Variants in SOWAHC observed in about 807,000 individuals in gnomAD.
SOWAHC encodes the protein ankyrin repeat domain-containing protein SOWAHC.
In SOWAHC, 12 loss-of-function variants were observed where a neutral mutation model predicts 14.4. That is an observed-to-expected ratio of 0.83 (90% CI 0.53 to 1.35). The LOEUF is 1.35. SOWAHC is among the 40% of genes most tolerant of loss of function. The pLI is 0.00. For missense variants in SOWAHC, 771 were observed against 752.8 expected (o/e 1.02, Z -0.28); for synonymous variants, 398 against 347.0 (o/e 1.15, Z -1.63).
Position 109,617,747 on chromosome 2 carries a change from G to A in SOWAHC, c.*1680G>A. 1 of 166,618 alleles carries A rather than the reference G, an allele frequency of 6.0e-6. No homozygotes were observed. The allele number at this position is 166,618 out of a possible 1,614,324, so 10.3% of individuals were successfully genotyped here. A position where few individuals can be genotyped will look rare whatever the true frequency, so the allele number is the denominator to read the frequency against. On this transcript the variant is annotated 3_prime_UTR_variant, in exon 1 of 1. Transcript: ENST00000356454. ...TAAAGATGGATGAAAGGCCAGGCAT[G>A]GTGGCTCATGCCTGTAATCCCAGCA... is the stretch of plus-strand genomic sequence containing the variant.
chr2:109,615,518 C>T lies in SOWAHC; in HGVS notation c.1029C>T (p.Thr343=), dbSNP rs1700102655. Residue 343 remains threonine, a synonymous_variant, in exon 1 of 1, where the codon ACC becomes ACT. Transcript: ENST00000356454. The part of the protein sequence containing the change: ...NIDARTSGGY[T]ALHLAAMHGH... ...ACGCCAGGACGAGCGGGGGTTACAC[C>T]GCCCTGCACTTGGCAGCCATGCACG... is the stretch of plus-strand genomic sequence containing the variant. 1.2e-6 allele frequency: 2 copies of T among 1,613,890 alleles called. No individual in the cohort carries two copies. The highest frequency in any genetic ancestry group is 1.6e-4 in the Middle Eastern group (1 of 6,062).
rs896758930 is a variant in SOWAHC, at chr2:109,614,641, G to T, written c.152G>T (p.Arg51Leu). ...GGCGGCGAACCGGAGCAGCGCGCCC[G>T]CGCCCGCGCGCACTTCAAGGAGCTG... is the stretch of plus-strand genomic sequence containing the variant. Reference protein sequence around the residue: ...ALGGEPEQRARARAHFKELVN... With the variant: ...ALGGEPEQRALARAHFKELVN... Residue 51 changes from arginine (R) to leucine (L), a missense_variant, in exon 1 of 1, where the codon CGC (arginine) becomes CTC (leucine). Physicochemically the swap from Arg to Leu is moderately radical, Grantham distance 102 (BLOSUM62 -2). Transcript: ENST00000356454. 2 of 1,467,322 alleles carry T rather than the reference G, an allele frequency of 1.4e-6. No homozygotes were observed. Among genetic ancestry groups the T allele is most frequent in the African/African-American group, 1.5e-5 (1 of 68,000 alleles). The allele number at this position is 1,467,322 out of a possible 1,614,324, so 90.9% of individuals were successfully genotyped here. A position where few individuals can be genotyped will look rare whatever the true frequency, so the allele number is the denominator to read the frequency against.
In SOWAHC at chr2:109,616,567, C is replaced by T. The variant is rs1276964608; in HGVS notation, c.*500C>T. On this transcript the variant is annotated 3_prime_UTR_variant, in exon 1 of 1. Transcript: ENST00000356454. ...CTAATTGCATTTGCATTTTAAGGTACTACTGAAGGTCAGATCAAAGTTGAA... is the reference window on the plus strand; with the variant it reads ...CTAATTGCATTTGCATTTTAAGGTATTACTGAAGGTCAGATCAAAGTTGAA... The T allele has an allele frequency of 6.0e-6, 1 of 167,054 alleles. No homozygotes were observed. Among genetic ancestry groups the T allele is most frequent in the Non-Finnish European group, 1.5e-5 (1 of 68,134 alleles). 10.3% of individuals were successfully genotyped at this position (167,054 alleles called of 1,614,324 possible). A position where few individuals can be genotyped will look rare whatever the true frequency, so the allele number is the denominator to read the frequency against.
chr2:109,614,602 T>A lies in SOWAHC; in HGVS notation c.113T>A (p.Phe38Tyr), dbSNP rs553603778. 6.9e-7 allele frequency: 1 copy of A among 1,454,064 alleles called. No homozygotes were observed. The highest frequency in any genetic ancestry group is 3.1e-5 in the East Asian group (1 of 32,752). The allele number at this position is 1,454,064 out of a possible 1,614,324, so 90.1% of individuals were successfully genotyped here. Reference sequence around the variant, plus strand: ...CTGCACGCCGAGCTGGTGCAGCACTTCAGGGGCGCCCTAGGCGGCGAACCG... The same window carrying A: ...CTGCACGCCGAGCTGGTGCAGCACTACAGGGGCGCCCTAGGCGGCGAACCG... ...RALHAELVQH[F>Y]RGALGGEPEQ... The change falls in exon 1 of 1, where the codon TTC (phenylalanine) becomes TAC (tyrosine). Residue 38 changes from phenylalanine to tyrosine, a missense_variant. By Grantham distance (22) the Phe-to-Tyr change is conservative. Coordinates refer to ENST00000356454, the MANE Select transcript of SOWAHC (RefSeq NM_023016.4).
In SOWAHC at chr2:109,614,904, C is replaced by A; in HGVS notation, c.415C>A (p.Pro139Thr). 6.9e-7 allele frequency: 1 copy of A among 1,445,720 alleles called. No individual in the cohort carries two copies. Among genetic ancestry groups the A allele is most frequent in the South Asian group, 1.5e-5 (1 of 68,800 alleles). 89.6% of individuals were successfully genotyped at this position (1,445,720 alleles called of 1,614,324 possible). A position where few individuals can be genotyped will look rare whatever the true frequency, so the allele number is the denominator to read the frequency against. The change falls in exon 1 of 1, where the codon CCC (proline) becomes ACC (threonine). Residue 139 changes from proline to threonine, a missense_variant. Transcript: ENST00000356454. ...GGGCCGCGAGCTGGGCGAGGGAGAG[C>A]CCCCCGCCCCCGCGCACTGGCCGCC... The part of the protein sequence containing the change: ...GQGRELGEGE[P>T]PAPAHWPPLS...
rs754380805 is a variant in SOWAHC, at chr2:109,614,916, G to A, written c.427G>A (p.Ala143Thr). ...GGGCGAGGGAGAGCCCCCCGCCCCC[G>A]CGCACTGGCCGCCCCTGAGCGCCGG... ...ELGEGEPPAP[A>T]HWPPLSAGAR... The change falls in exon 1 of 1, where the codon GCG becomes ACG. Residue 143 changes from alanine (A) to threonine (T), a missense_variant. Physicochemically the swap from Ala to Thr is moderately conservative, Grantham distance 58. Transcript: ENST00000356454. 1 of 1,469,302 alleles carries A rather than the reference G, an allele frequency of 6.8e-7. No homozygotes were observed. The highest frequency in any genetic ancestry group is 2.6e-5 in the East Asian group (1 of 37,944). 91.0% of individuals were successfully genotyped at this position (1,469,302 alleles called of 1,614,324 possible). A position where few individuals can be genotyped will look rare whatever the true frequency, so the allele number is the denominator to read the frequency against.
rs61290403 is a variant in SOWAHC at position 109,618,015 on chromosome 2, CAAAA to C, written c.*1963_*1966del. The C allele has an allele frequency of 1.4e-4, 17 of 117,578 alleles. No homozygotes were observed. The highest frequency in any genetic ancestry group is 1.8e-4 in the Non-Finnish European group (9 of 50,838). The allele number at this position is 117,578 out of a possible 1,614,324, so 7.3% of individuals were successfully genotyped here. A position where few individuals can be genotyped will look rare whatever the true frequency, so the allele number is the denominator to read the frequency against. The stretch of plus-strand genomic sequence containing the variant: ...AGCCTGGGCAACGGAGACTCTGTCT[CAAAA>C]AAAAAAAAAAAAAAGATGAATGAAA... On this transcript the variant is annotated 3_prime_UTR_variant, in exon 1 of 1. Transcript: ENST00000356454.
At position 109,615,733 on chromosome 2, in the gene SOWAHC, T is replaced by A; in HGVS notation, c.1244T>A (p.Leu415His). The A allele has an allele frequency of 1.2e-6, 2 of 1,613,862 alleles. No individual in the cohort carries two copies. The highest frequency in any genetic ancestry group is 8.5e-7 in the Non-Finnish European group (1 of 1,179,938). Residue 415 changes from leucine (L) to histidine (H), a missense_variant, in exon 1 of 1, where the codon CTT becomes CAT. Transcript: ENST00000356454. ...GGTAGCGGCGGCGGGCGCTGGAGGC[T>A]TTCAAAGGTGCTTCCCTCGCATCTC... Reference protein sequence around the residue: ...AAGSGGGRWRLSKVLPSHLIT... With the variant: ...AAGSGGGRWRHSKVLPSHLIT...
In SOWAHC at chr2:109,617,873, G is replaced by A. The variant is rs1323409228; in HGVS notation, c.*1806G>A. ...GTCTCTACTAAAAATACAAAAATTA[G>A]CCGAGCGTGGTGGTGCGTGCCTGTA... On this transcript the variant is annotated 3_prime_UTR_variant, in exon 1 of 1. Transcript: ENST00000356454. 6.3e-6 allele frequency: 1 copy of A among 159,644 alleles called. No individual in the cohort carries two copies. Among genetic ancestry groups the A allele is most frequent in the African/African-American group, 2.4e-5 (1 of 41,408 alleles). The allele number at this position is 159,644 out of a possible 1,614,324, so 9.9% of individuals were successfully genotyped here.
Position 109,615,821 on chromosome 2 carries a change from G to A in SOWAHC, c.1332G>A (p.Ser444=). 1 of 1,614,140 alleles carries A rather than the reference G, an allele frequency of 6.2e-7. No individual in the cohort carries two copies. Among genetic ancestry groups the A allele is most frequent in the Non-Finnish European group, 8.5e-7 (1 of 1,180,028 alleles). The change falls in exon 1 of 1, where the codon TCG becomes TCA. Residue 444 remains serine, a synonymous_variant. Transcript: ENST00000356454. The part of the protein sequence containing the change: ...DGGDHHHHHH[S]AEGWVGGKAK... ...GGGACCATCACCACCATCACCACTC[G>A]GCTGAGGGGTGGGTCGGAGGCAAAG...
rs1700181147 is a variant in SOWAHC at position 109,618,811 on chromosome 2, C to T, written c.*2744C>T. 6.0e-6 allele frequency: 1 copy of T among 167,000 alleles called. No individual in the cohort carries two copies. Among genetic ancestry groups the T allele is most frequent in the Non-Finnish European group, 1.5e-5 (1 of 68,084 alleles). The allele number at this position is 167,000 out of a possible 1,614,324, so 10.3% of individuals were successfully genotyped here. A position where few individuals can be genotyped will look rare whatever the true frequency, so the allele number is the denominator to read the frequency against. On this transcript the variant is annotated 3_prime_UTR_variant, in exon 1 of 1. Transcript: ENST00000356454. The stretch of plus-strand genomic sequence containing the variant: ...ACTAGTGAGTGTTTGTCACATTTCA[C>T]TTTCATGGTATATAAAATGCAGTTT...
rs770074183 is a variant in SOWAHC at position 109,618,839 on chromosome 2, A to G, written c.*2772A>G. The G allele has an allele frequency of 3.0e-5, 5 of 167,060 alleles. No individual in the cohort carries two copies. The East Asian group carries it at 5.8e-4, about 19-fold the overall frequency. 10.3% of individuals were successfully genotyped at this position (167,060 alleles called of 1,614,324 possible). The stretch of plus-strand genomic sequence containing the variant: ...TCATGGTATATAAAATGCAGTTTGC[A>G]TATATAACTTGAATATCTGGTACTA... On this transcript the variant is annotated 3_prime_UTR_variant, in exon 1 of 1. Transcript: ENST00000356454.
chr2:109,614,867 G>A lies in SOWAHC; in HGVS notation c.378G>A (p.Ser126=). 7.1e-7 allele frequency: 1 copy of A among 1,401,388 alleles called. No homozygotes were observed. The highest frequency in any genetic ancestry group is 9.2e-7 in the Non-Finnish European group (1 of 1,089,328). The allele number at this position is 1,401,388 out of a possible 1,614,324, so 86.8% of individuals were successfully genotyped here. A position where few individuals can be genotyped will look rare whatever the true frequency, so the allele number is the denominator to read the frequency against. Reference sequence around the variant, plus strand: ...TCCCCGACGCGGCGGCCCCGGAGTCGCTCCCTGGACAGGGCCGCGAGCTGG... The same window carrying A: ...TCCCCGACGCGGCGGCCCCGGAGTCACTCCCTGGACAGGGCCGCGAGCTGG... ...DRLPDAAAPE[S]LPGQGRELGE... Residue 126 remains serine, a synonymous_variant, in exon 1 of 1, where the codon TCG becomes TCA. Coordinates refer to ENST00000356454, the MANE Select transcript of SOWAHC (RefSeq NM_023016.4).
rs1195514520 is a variant in SOWAHC, at chr2:109,614,689, G to A, written c.200G>A (p.Arg67His). The A allele has an allele frequency of 6.7e-7, 1 of 1,487,846 alleles. No individual in the cohort carries two copies. 92.2% of individuals were successfully genotyped at this position (1,487,846 alleles called of 1,614,324 possible). The change falls in exon 1 of 1, where the codon CGC becomes CAC. Residue 67 changes from arginine to histidine, a missense_variant. Arg to His is a conservative substitution (Grantham distance 29, BLOSUM62 0). Coordinates refer to ENST00000356454, the MANE Select transcript of SOWAHC (RefSeq NM_023016.4). ...CTGGTGAACGCCGTGGCCACTGTGC[G>A]CGTCGATCCCGCCGACGGCGCCAAG... Reference protein sequence around the residue: ...KELVNAVATVRVDPADGAKYV... With the variant: ...KELVNAVATVHVDPADGAKYV...
Position 109,615,353 on chromosome 2 carries a change from C to T in SOWAHC, c.864C>T (p.Thr288=), listed in dbSNP as rs762303180. ...GGGACAGCCTGGAGGGCTTGCTCACCTGCGAGCCCGGCCTGCTGGTCAAGC... is the reference window on the plus strand; with the variant it reads ...GGGACAGCCTGGAGGGCTTGCTCACTTGCGAGCCCGGCCTGCTGGTCAAGC... ...GKWDSLEGLL[T]CEPGLLVKRD... is the part of the protein sequence containing the mutation. Residue 288 remains threonine (T), a synonymous_variant, in exon 1 of 1, where the codon ACC becomes ACT. Transcript: ENST00000356454. 23 of 1,612,532 alleles carry T rather than the reference C, an allele frequency of 1.4e-5. No individual in the cohort carries two copies. Among genetic ancestry groups the T allele is most frequent in the East Asian group, 4.5e-5 (2 of 44,876 alleles).
rs747256789 is a variant in SOWAHC, at chr2:109,614,674, C to T, written c.185C>T (p.Ala62Val). The T allele has an allele frequency of 1.3e-6, 2 of 1,485,728 alleles. No individual in the cohort carries two copies. Among genetic ancestry groups the T allele is most frequent in the South Asian group, 1.3e-5 (1 of 79,302 alleles). 92.0% of individuals were successfully genotyped at this position (1,485,728 alleles called of 1,614,324 possible). A position where few individuals can be genotyped will look rare whatever the true frequency, so the allele number is the denominator to read the frequency against. ...ARAHFKELVNAVATVRVDPAD... is the reference protein window; with the variant it reads ...ARAHFKELVNVVATVRVDPAD... ...GCGCACTTCAAGGAGCTGGTGAACG[C>T]CGTGGCCACTGTGCGCGTCGATCCC... The change falls in exon 1 of 1, where the codon GCC becomes GTC. Residue 62 changes from alanine to valine, a missense_variant. Ala to Val is a moderately conservative substitution (Grantham distance 64). Transcript: ENST00000356454.
chr2:109,616,527 G>C lies in SOWAHC; in HGVS notation c.*460G>C, dbSNP rs1199323069. On this transcript the variant is annotated 3_prime_UTR_variant, in exon 1 of 1. Coordinates refer to ENST00000356454, the MANE Select transcript of SOWAHC (RefSeq NM_023016.4). ...GTATTTCTAAGTGTGAAAACGACAG[G>C]CTGCCCCGTTTTTACTAATTGCATT... The C allele has an allele frequency of 6.0e-6, 1 of 167,214 alleles. No homozygotes were observed. 10.4% of individuals were successfully genotyped at this position (167,214 alleles called of 1,614,324 possible).
Position 109,614,673 on chromosome 2 carries a change from G to C in SOWAHC, c.184G>C (p.Ala62Pro). The change falls in exon 1 of 1, where the codon GCC (alanine) becomes CCC (proline). Residue 62 changes from alanine (A) to proline (P), a missense_variant. Transcript: ENST00000356454. ...ARAHFKELVN[A>P]VATVRVDPAD... ...CGCGCACTTCAAGGAGCTGGTGAAC[G>C]CCGTGGCCACTGTGCGCGTCGATCC... is the stretch of plus-strand genomic sequence containing the variant. 6.7e-7 allele frequency: 1 copy of C among 1,484,542 alleles called. No individual in the cohort carries two copies. The allele number at this position is 1,484,542 out of a possible 1,614,324, so 92.0% of individuals were successfully genotyped here. A position where few individuals can be genotyped will look rare whatever the true frequency, so the allele number is the denominator to read the frequency against.
At position 109,616,171 on chromosome 2, in the gene SOWAHC, C is replaced by T. The variant is rs972975351; in HGVS notation, c.*104C>T. ...AGAAGGACAAGCTAAATTATGCATT[C>T]TTACTTGAGGGATCGGAATGGATGG... On this transcript the variant is annotated 3_prime_UTR_variant, in exon 1 of 1. Transcript: ENST00000356454. 7.9e-5 allele frequency: 110 copies of T among 1,396,032 alleles called. No individual in the cohort carries two copies. The highest frequency in any genetic ancestry group is 9.9e-5 in the Non-Finnish European group (106 of 1,075,584). 86.5% of individuals were successfully genotyped at this position (1,396,032 alleles called of 1,614,324 possible). A position where few individuals can be genotyped will look rare whatever the true frequency, so the allele number is the denominator to read the frequency against.
Sources: allele counts gnomAD v4.1 joint callset, GRCh38; gene constraint gnomAD v4.1.1; transcripts MANE v1.5; gene names NCBI Gene and HGNC (gene_info 2026-07-23, HGNC 2026-07-21).